The following SPAG16 variants were observed in gnomAD, a reference collection of about 807,000 sequenced individuals.
SPAG16 encodes the protein sperm-associated antigen 16 protein.
In SPAG16, 86 loss-of-function variants were observed where a neutral mutation model predicts 80.4. The observed-to-expected ratio is 1.07, with a 90% CI of 0.90 to 1.28. The LOEUF (loss-of-function observed/expected upper bound fraction) is 1.28. Among genes scored for constraint, SPAG16 ranks in the 50% most tolerant of loss-of-function variants. SPAG16 has a pLI of 0.00. For missense variants in SPAG16, 870 were observed against 765.3 expected, an observed-to-expected ratio of 1.14 and a Z score of -1.61; for synonymous variants, 294 against 265.9, an observed-to-expected ratio of 1.11 and a Z score of -1.03.
intron 10 of SPAG16, among the ~76,000 whole-genome samples, chr2:213,822,384 A>AT (rs2072998799): frequency 6.6e-6 from 1 of 151,954 alleles, no homozygotes. Flanking sequence ...GGATTATTAG[A>AT]TTTTTCCTAT....
At chr2:214,294,884 T>C (rs1694028715) in intron 15 of SPAG16, among the ~76,000 whole-genome samples, 1 of 152,226 alleles carries the variant, frequency 6.6e-6, no homozygotes, top group Non-Finnish European at 1.5e-5. Context: ...TTTGACTCTT[T>C]AGTATGTAGC....
At chr2:213,840,573 G>T (rs144104445) in intron 10 of SPAG16, among the ~76,000 whole-genome samples, 3 of 152,316 alleles carry the variant, frequency 2.0e-5, no homozygotes, top group African/African-American at 7.2e-5. Flanking sequence ...TCAAGGTAGA[G>T]TAAGGTAAAT....
chr2:213,423,768 A>T (rs548867174), intron 9 of SPAG16, among the ~76,000 whole-genome samples: 184 of 152,262 alleles, frequency 1.2e-3, no homozygotes, highest in Admixed American at 3.5e-3. Context: ...AGTTTTATTA[A>T]TTTTTGCCAG....
At chr2:213,468,461 C>CTATGTATTTATATATAGATATATATA (rs1559162808) in intron 9 of SPAG16, among the ~76,000 whole-genome samples, 5 of 115,032 alleles carry the variant, frequency 4.3e-5, no homozygotes, top group African/African-American at 2.1e-4. Flanking sequence ...ATATATATAT[C>CTATGTATTTATATATAGATATATATA]TCTATGTATT....
chr2:214,298,878 G>T (rs1042674796), intron 15 of SPAG16, among the ~76,000 whole-genome samples: 13 of 152,114 alleles, frequency 8.5e-5, no homozygotes, highest in African/African-American at 2.9e-4. Flanking sequence ...AGGATTAGAG[G>T]AATGAAATTC....
At chr2:213,332,907 G>A (rs10179088) in intron 5 of SPAG16, among the ~76,000 whole-genome samples, 32,758 of 151,896 alleles carry the variant, frequency 0.22, 4,391 homozygotes, top group Non-Finnish European at 0.31. Flanking sequence ...TCATGCCACC[G>A]TGTCATACTG....
chr2:213,775,863 A>G (rs1326121891), intron 10 of SPAG16, among the ~76,000 whole-genome samples: 1 of 152,202 alleles, frequency 6.6e-6, no homozygotes, highest in South Asian at 2.1e-4. Flanking sequence ...TGTGTATACC[A>G]TTACAACTAA....
chr2:214,385,827 G>T (rs941527597), intron 15 of SPAG16, among the ~76,000 whole-genome samples: 3 of 152,158 alleles, frequency 2.0e-5, no homozygotes, highest in African/African-American at 7.2e-5. Flanking sequence ...CTTGGTGACA[G>T]AGCGAGACTC....
At chr2:214,263,703 C>A (rs1173536290) in intron 15 of SPAG16, among the ~76,000 whole-genome samples, 1 of 152,134 alleles carries the variant, frequency 6.6e-6, no homozygotes, top group Admixed American at 6.5e-5. Flanking sequence ...AAAGTTAATT[C>A]GGGAATTTCA....
At chr2:213,318,485 TACTG>T (rs1336761140) in intron 5 of SPAG16, among the ~76,000 whole-genome samples, 4 of 151,882 alleles carry the variant, frequency 2.6e-5, no homozygotes, top group African/African-American at 7.2e-5. Flanking sequence ...GAATAATAGA[TACTG>T]GAGACTTTAA....
intron 9 of SPAG16, chr2:213,396,724 G>A (rs1310089050): frequency 2.3e-6 from 1 of 443,436 alleles, no homozygotes; most frequent in Admixed American, 2.4e-5. Context: ...TTGTCAGCAG[G>A]AGCCAAATGG....
intron 10 of SPAG16, among the ~76,000 whole-genome samples, chr2:213,498,969 C>T (rs545064980): frequency 1.3e-5 from 2 of 152,240 alleles, no homozygotes; most frequent in South Asian, 4.1e-4. Context: ...TTTATCCTTC[C>T]TACTGCCATC....
At chr2:214,140,260 T>TC (rs1290386461) in intron 14 of SPAG16, among the ~76,000 whole-genome samples, 2 of 151,808 alleles carry the variant, frequency 1.3e-5, no homozygotes, top group African/African-American at 2.4e-5. Context: ...TATTTTGTGT[T>TC]TTTTTCTTTT....
chr2:213,876,322 AAGAAG>A (rs2076140952), intron 11 of SPAG16, among the ~76,000 whole-genome samples: 3 of 29,488 alleles, frequency 1.0e-4, no homozygotes, highest in Non-Finnish European at 4.0e-4. Context: ...AAAAAAAAAG[AAGAAG>A]AAAAGAAAAG....
intron 14 of SPAG16, among the ~76,000 whole-genome samples, chr2:214,134,678 T>C (rs1407416531): frequency 1.3e-5 from 2 of 152,290 alleles, no homozygotes; most frequent in Middle Eastern, 3.4e-3. Flanking sequence ...AATCTTCACT[T>C]GTTTTTCAGG....
At chr2:213,409,465 A>G (rs1342517149) in intron 9 of SPAG16, among the ~76,000 whole-genome samples, 2 of 152,238 alleles carry the variant, frequency 1.3e-5, no homozygotes, top group Admixed American at 6.5e-5. Flanking sequence ...GTGTGTAAAC[A>G]TACTCGCTAA....
At chr2:213,306,593 C>T (rs932996576) in intron 3 of SPAG16, among the ~76,000 whole-genome samples, 20 of 151,692 alleles carry the variant, frequency 1.3e-4, no homozygotes, top group African/African-American at 3.6e-4. Context: ...CCCTTTAGCC[C>T]GTGGTGGTGA....
chr2:213,721,681 G>A (rs1559409362), intron 10 of SPAG16, among the ~76,000 whole-genome samples: 2 of 152,120 alleles, frequency 1.3e-5, no homozygotes, highest in Non-Finnish European at 2.9e-5. Flanking sequence ...TGTGTATTTT[G>A]TTCTCAGCAT....
intron 10 of SPAG16, among the ~76,000 whole-genome samples, chr2:213,601,415 G>A (rs1013489049): frequency 1.3e-5 from 2 of 152,130 alleles, no homozygotes; most frequent in African/African-American, 4.8e-5. Context: ...GTACATGCAT[G>A]TATATGTGTG....
Sources: allele counts gnomAD v4.1 joint callset (sites outside exome capture counted in the v4.1 genomes callset), GRCh38; gene constraint gnomAD v4.1.1; transcripts MANE v1.5; gene names NCBI Gene and HGNC (gene_info 2026-07-23, HGNC 2026-07-21).